The following PRKAR2B variants were observed in gnomAD, a reference collection of about 807,000 sequenced individuals.
PRKAR2B encodes the protein cAMP-dependent protein kinase type II-beta regulatory subunit.
PRKAR2B carries 14 observed loss-of-function variants against 49.9 expected under a neutral mutation model. The observed-to-expected ratio is 0.28, with a 90% CI of 0.19 to 0.44. PRKAR2B has a LOEUF of 0.44. PRKAR2B is among the 20% of genes least tolerant of loss of function. The pLI is 1.00. For missense variants in PRKAR2B, 393 were observed against 537.9 expected (o/e 0.73, Z 2.67); for synonymous variants, 196 against 197.7 (o/e 0.99, Z 0.07).
intron 2 of PRKAR2B, among the ~76,000 whole-genome samples, chr7:107,102,587 A>T (rs906340059): frequency 1.4e-4 from 21 of 152,238 alleles, no homozygotes; most frequent in Non-Finnish European, 2.9e-5. Context: ...AGCAAAGCCA[A>T]GAACCCCCCA....
At chr7:107,054,649 A>G (rs1180902376) in intron 1 of PRKAR2B, among the ~76,000 whole-genome samples, 1 of 152,160 alleles carries the variant, frequency 6.6e-6, no homozygotes, top group Non-Finnish European at 1.5e-5. Flanking sequence ...GTAGGCAAGA[A>G]TGTGCAGGAA....
At chr7:107,157,896 A>C in intron 10 of PRKAR2B, among the ~76,000 whole-genome samples, 1 of 152,240 alleles carries the variant, frequency 6.6e-6, no homozygotes, top group East Asian at 1.9e-4. Context: ...TACTTTGATA[A>C]GAAAATACAG....
chr7:107,092,683 T>C (rs1394812470), intron 2 of PRKAR2B, among the ~76,000 whole-genome samples: 1 of 152,120 alleles, frequency 6.6e-6, no homozygotes, highest in African/African-American at 2.4e-5. Context: ...TATTTAAAAT[T>C]TAAAAAATTT....
intron 2 of PRKAR2B, among the ~76,000 whole-genome samples, chr7:107,118,120 G>C (rs887099675): frequency 1.3e-5 from 2 of 152,156 alleles, no homozygotes; most frequent in African/African-American, 4.8e-5. Context: ...GTTATCTGGA[G>C]GCTTTGGTTT....
Position 107,160,772 on chromosome 7 carries a change from G to T in PRKAR2B, c.*1190G>T, listed in dbSNP as rs1796184089. On this transcript the variant is annotated 3_prime_UTR_variant, in exon 11 of 11. Coordinates refer to ENST00000265717, the MANE Select transcript of PRKAR2B (RefSeq NM_002736.3). ...CATTAGGCCTTGCCATTGCTTTAAT[G>T]TAGACTCATAGTTGAAATTAGTGCA... is the stretch of plus-strand genomic sequence containing the variant. 6.6e-6 allele frequency: 1 copy of T among 152,214 alleles called. No homozygotes were observed. Among genetic ancestry groups the T allele is most frequent in the South Asian group, 2.1e-4 (1 of 4,826 alleles). 9.4% of individuals were successfully genotyped at this position (152,214 alleles called of 1,614,324 possible).
chr7:107,045,053 C>T lies in PRKAR2B; in HGVS notation c.146C>T (p.Ala49Val). 1.3e-6 allele frequency: 2 copies of T among 1,545,190 alleles called. No homozygotes were observed. The highest frequency in any genetic ancestry group is 2.4e-5 in the South Asian group (2 of 84,276). ...CAGGAGAACGAGCGCAAAGGCACCG[C>T]GCGCTTCGGCCATGAGGGCAGGACC... ...LQQENERKGT[A>V]RFGHEGRTWG... Residue 49 changes from alanine (A) to valine (V), a missense_variant, in exon 1 of 11, where the codon GCG (alanine) becomes GTG (valine). Transcript: ENST00000265717.
chr7:107,137,682 C>T (rs1795722646), intron 4 of PRKAR2B, among the ~76,000 whole-genome samples: 1 of 152,080 alleles, frequency 6.6e-6, no homozygotes, highest in Non-Finnish European at 1.5e-5. Flanking sequence ...GTGAGAATGC[C>T]TCTTTTCCCA....
chr7:107,150,468 T>C (rs1795963308), intron 6 of PRKAR2B, among the ~76,000 whole-genome samples: 1 of 152,000 alleles, frequency 6.6e-6, no homozygotes, highest in African/African-American at 2.4e-5. Context: ...GTAAATGGAG[T>C]AGCCATCACT....
chr7:107,145,516 C>T (rs1795872733), intron 5 of PRKAR2B, among the ~76,000 whole-genome samples: 2 of 152,234 alleles, frequency 1.3e-5, no homozygotes, highest in East Asian at 1.9e-4. Context: ...CCTCACTATT[C>T]TTATGCTTTT....
intron 2 of PRKAR2B, among the ~76,000 whole-genome samples, chr7:107,089,657 G>A (rs904359664): frequency 6.6e-6 from 1 of 152,128 alleles, no homozygotes; most frequent in African/African-American, 2.4e-5. Flanking sequence ...GAAATACCAG[G>A]CAGTGGTTCT....
intron 1 of PRKAR2B, among the ~76,000 whole-genome samples, chr7:107,065,313 G>A (rs921554346): frequency 7.7e-6 from 1 of 130,296 alleles, no homozygotes; most frequent in African/African-American, 2.9e-5. Flanking sequence ...GTTTGCTCGG[G>A]GTGTGTGTAT....
At chr7:107,054,103 A>G (rs1793863971) in intron 1 of PRKAR2B, among the ~76,000 whole-genome samples, 1 of 152,158 alleles carries the variant, frequency 6.6e-6, no homozygotes, top group African/African-American at 2.4e-5. Context: ...TAATCCCAGC[A>G]CTTTGGGAGG....
At chr7:107,138,368 T>A (rs1716823176) in intron 4 of PRKAR2B, among the ~76,000 whole-genome samples, 1 of 152,194 alleles carries the variant, frequency 6.6e-6, no homozygotes, top group African/African-American at 2.4e-5. Context: ...TGTCTATACT[T>A]TCTGATTAAT....
At chr7:107,143,923 T>C (rs975032016) in intron 5 of PRKAR2B, among the ~76,000 whole-genome samples, 2 of 152,198 alleles carry the variant, frequency 1.3e-5, no homozygotes, top group African/African-American at 4.8e-5. Context: ...ATAACACTTC[T>C]GGTCCCAAGA....
At chr7:107,131,990 C>T (rs1312645436) in intron 4 of PRKAR2B, among the ~76,000 whole-genome samples, 4 of 152,222 alleles carry the variant, frequency 2.6e-5, no homozygotes, top group Admixed American at 6.5e-5. Flanking sequence ...TGGTTGTTGT[C>T]CTTTTGGAAT....
At chr7:107,121,833 T>C in intron 2 of PRKAR2B, 119 bp from the exon 3 acceptor site, 1 of 473,026 alleles carries the variant, frequency 2.1e-6, no homozygotes, top group African/African-American at 2.0e-5. Context: ...CTGGTTGAGG[T>C]GAATTAATGG....
intron 2 of PRKAR2B, among the ~76,000 whole-genome samples, chr7:107,075,862 G>A (rs1794386439): frequency 6.6e-6 from 1 of 151,942 alleles, no homozygotes; most frequent in Non-Finnish European, 1.5e-5. Context: ...CTTTAATATG[G>A]GCATCTTTTT....
rs772833439 is a variant in PRKAR2B, at chr7:107,070,277, T to G, written c.308-4T>G. 1 of 1,606,426 alleles carries G rather than the reference T, an allele frequency of 6.2e-7. No homozygotes were observed. The highest frequency in any genetic ancestry group is 1.1e-5 in the South Asian group (1 of 90,432). Reference sequence around the variant, plus strand: ...TAATCATATTATTCTGCTTTTTCTTTTAGCTCCAGTAATAAACCGATTCAC... The same window carrying G: ...TAATCATATTATTCTGCTTTTTCTTGTAGCTCCAGTAATAAACCGATTCAC... On this transcript the variant is annotated splice_region_variant and splice_polypyrimidine_tract_variant and intron_variant, in intron 1 of 10. Transcript: ENST00000265717.
rs1795974872 is a variant in PRKAR2B at position 107,150,960 on chromosome 7, T to C, written c.780T>C (p.Asn260=). The change falls in exon 7 of 11, where the codon AAT becomes AAC. Residue 260 remains asparagine (N), a synonymous_variant. Transcript: ENST00000265717. ...TCAGGAGAATAATTGTGAAAAACAATGCCAAAAAGAGAAAAATGTATGAAA... is the reference window on the plus strand; with the variant it reads ...TCAGGAGAATAATTGTGAAAAACAACGCCAAAAAGAGAAAAATGTATGAAA... ...VTFRRIIVKN[N]AKKRKMYESF... is the part of the protein sequence containing the mutation. 2 of 1,600,432 alleles carry C rather than the reference T, an allele frequency of 1.2e-6. No individual in the cohort carries two copies. The highest frequency in any genetic ancestry group is 2.3e-5 in the South Asian group (2 of 88,574).
Sources: gnomAD v4.1 joint callset for allele counts (sites outside exome capture counted in the v4.1 genomes callset) on GRCh38, gnomAD v4.1.1 for gene constraint, MANE v1.5 for transcripts, NCBI Gene and HGNC (gene_info 2026-07-23, HGNC 2026-07-21) for gene names.